The following USP34 variants were observed in gnomAD, a reference collection of about 807,000 sequenced individuals.
USP34 encodes the protein ubiquitin carboxyl-terminal hydrolase 34.
Under a neutral mutation model 460.3 loss-of-function variants are expected in USP34, and 70 were observed. The ratio of observed to expected loss-of-function variants is 0.15; its 90% confidence interval spans 0.13 to 0.19. The LOEUF is 0.19. USP34 is among the 10% of genes least tolerant of loss of function. USP34 has a pLI of 1.00. For synonymous variants in USP34, 1,647 were observed against 1,405.3 expected (o/e 1.17, Z -3.85); for missense variants, 3,985 against 4,236.2 (o/e 0.94, Z 1.65).
chr2:61,344,810 G>A (rs1054751698), intron 15 of USP34, among the ~76,000 whole-genome samples: 3 of 152,130 alleles, frequency 2.0e-5, no homozygotes, highest in Non-Finnish European at 2.9e-5. Flanking sequence ...CCCAATCAGG[G>A]GTGAATTTAG....
At chr2:61,279,041 C>T (rs1036740522) in intron 39 of USP34, among the ~76,000 whole-genome samples, 3 of 151,658 alleles carry the variant, frequency 2.0e-5, no homozygotes, top group African/African-American at 4.8e-5. Context: ...AGGAAAATTA[C>T]TTTACAAGCA....
intron 1 of USP34, among the ~76,000 whole-genome samples, chr2:61,440,784 C>T (rs1006621586): frequency 1.3e-5 from 2 of 151,452 alleles, no homozygotes; most frequent in African/African-American, 4.9e-5. Context: ...TCCCAAAGTG[C>T]TGGGATTACA....
chr2:61,416,223 T>G (rs1329557013), intron 2 of USP34, among the ~76,000 whole-genome samples: 2 of 152,188 alleles, frequency 1.3e-5, no homozygotes, highest in Non-Finnish European at 2.9e-5. Context: ...AGGCAGAGCC[T>G]TAAAGAGTGA....
At position 61,280,350 on chromosome 2, in the gene USP34, T is replaced by A; in HGVS notation, c.5152-2A>T. ...TGGTTCTTCCTCATAATCATCTATC[T>A]ATTAAAAAAATTTTATACTTTGTGA... On this transcript the variant is annotated splice_acceptor_variant, in intron 38 of 79. Coordinates refer to ENST00000398571, the MANE Select transcript of USP34 (RefSeq NM_014709.4). LOFTEE classifies it high-confidence loss of function. 1 of 1,442,390 alleles carries A rather than the reference T, an allele frequency of 6.9e-7. No individual in the cohort carries two copies. Among genetic ancestry groups the A allele is most frequent in the Non-Finnish European group, 9.2e-7 (1 of 1,081,438 alleles). The allele number at this position is 1,442,390 out of a possible 1,614,324, so 89.3% of individuals were successfully genotyped here.
Position 61,417,485 on chromosome 2 carries a change from T to G in USP34, c.131+3261A>C, listed in dbSNP as rs774731848. 6.1e-5 allele frequency: 15 copies of G among 245,134 alleles called. No individual in the cohort carries two copies. The South Asian group carries it at 9.3e-4, about 15-fold the overall frequency. 15.2% of individuals were successfully genotyped at this position (245,134 alleles called of 1,614,324 possible). A position where few individuals can be genotyped will look rare whatever the true frequency, so the allele number is the denominator to read the frequency against. Reference sequence around the variant, plus strand: ...TTGATCACACAGAGACTGACCATAGTTAACTGTACCTGAGAAATCAGACCA... The same window carrying G: ...TTGATCACACAGAGACTGACCATAGGTAACTGTACCTGAGAAATCAGACCA... On this transcript the variant is annotated intron_variant, in intron 2 of 79. Coordinates refer to ENST00000398571, the MANE Select transcript of USP34 (RefSeq NM_014709.4).
At chr2:61,355,760 T>C (rs1277567074) in intron 10 of USP34, among the ~76,000 whole-genome samples, 2 of 152,154 alleles carry the variant, frequency 1.3e-5, no homozygotes, top group Non-Finnish European at 2.9e-5. Flanking sequence ...TGTCCCTCTT[T>C]ATGAGTAATT....
intron 3 of USP34, among the ~76,000 whole-genome samples, chr2:61,399,873 C>CAAAAAAAAAAAA (rs1693657939): frequency 8.6e-5 from 3 of 34,850 alleles, no homozygotes; most frequent in Non-Finnish European, 1.9e-4. Context: ...ACACTGTCTC[C>CAAAAAAAAAAAA]CAAAAAAAAA....
chr2:61,421,475 T>A (rs1694354259), intron 1 of USP34, among the ~76,000 whole-genome samples: 1 of 152,232 alleles, frequency 6.6e-6, no homozygotes, highest in Non-Finnish European at 1.5e-5. Context: ...TCCATCATTT[T>A]AATGGCTTTT....
chr2:61,275,994 A>G (rs1225290095), intron 41 of USP34, among the ~76,000 whole-genome samples: 1 of 152,260 alleles, frequency 6.6e-6, no homozygotes, highest in Non-Finnish European at 1.5e-5. Context: ...GAGCTGACAT[A>G]TTCAAAATAA....
chr2:61,417,385 C>T lies in USP34; in HGVS notation c.131+3361G>A, dbSNP rs557347491. 47 of 513,068 alleles carry T rather than the reference C, an allele frequency of 9.2e-5. No homozygotes were observed. In the East Asian group the frequency reaches 9.8e-4, roughly 11 times the overall value. 31.8% of individuals were successfully genotyped at this position (513,068 alleles called of 1,614,324 possible). A position where few individuals can be genotyped will look rare whatever the true frequency, so the allele number is the denominator to read the frequency against. On this transcript the variant is annotated intron_variant, in intron 2 of 79. Coordinates refer to ENST00000398571, the MANE Select transcript of USP34 (RefSeq NM_014709.4). ...TCAGCTTAATTGGCTGCAGGACCTC[C>T]GTAATCTTACAGCCAAAGTTGTGAC...
Position 61,343,974 on chromosome 2 carries a change from C to A in USP34, c.2341G>T (p.Val781Phe). Residue 781 changes from valine to phenylalanine, a missense_variant, in exon 16 of 80, where the codon GTT becomes TTT. Physicochemically the swap from Val to Phe is conservative, Grantham distance 50. Around this residue, in one of 14 missense-constraint regions of USP34, gnomAD observed 716 missense variants for 626.2 expected, o/e 1.14. Transcript: ENST00000398571. ...ATATTTTTTTCTGATTTTGCACTAA[C>A]CTGGGAGCTACTACAACTGACATCA... ...ADDVSCSSSQ[V>F]SAKSEKNMAD... The A allele has an allele frequency of 6.2e-7, 1 of 1,613,866 alleles. No homozygotes were observed. Among genetic ancestry groups the A allele is most frequent in the Non-Finnish European group, 8.5e-7 (1 of 1,179,912 alleles).
At position 61,437,688 on chromosome 2, in the gene USP34, G is replaced by A. The variant is rs191279670; in HGVS notation, c.44-16855C>T. Among the ~76,000 whole-genome samples, 116 of 152,084 alleles carry A rather than the reference G, an allele frequency of 7.6e-4. 1 individual carries two copies. The highest frequency in any genetic ancestry group is 2.5e-3 in the African/African-American group (103 of 41,502). Reference sequence around the variant, plus strand: ...GTCGGGAGGCTGAGGCAGGAGAATGGCTTGAACACGGGAGGCGGAGCTTGC... The same window carrying A: ...GTCGGGAGGCTGAGGCAGGAGAATGACTTGAACACGGGAGGCGGAGCTTGC... On this transcript the variant is annotated intron_variant, in intron 1 of 79. Transcript: ENST00000398571.
chr2:61,229,482 A>AC lies in USP34; in HGVS notation c.7199+65_7199+66insG, dbSNP rs1281418547. On this transcript the variant is annotated intron_variant, in intron 59 of 79. Transcript: ENST00000398571. ...TAAAAAAAAAAAAAAAAAACAAAAAAAAAAAACAAAAACACCACACACACA... is the reference window on the plus strand; with the variant it reads ...TAAAAAAAAAAAAAAAAAACAAAAAACAAAAAACAAAAACACCACACACACA... 1.0e-5 allele frequency: 8 copies of AC among 799,568 alleles called. No individual in the cohort carries two copies. In the African/African-American group the frequency reaches 1.5e-4, roughly 15 times the overall value. 49.5% of individuals were successfully genotyped at this position (799,568 alleles called of 1,614,324 possible).
At chr2:61,389,452 T>A (rs1324689589) in intron 5 of USP34, among the ~76,000 whole-genome samples, 1 of 152,106 alleles carries the variant, frequency 6.6e-6, no homozygotes, top group East Asian at 1.9e-4. Context: ...TGATTAAAAA[T>A]TTCAATTAAA....
At chr2:61,204,750 A>G in intron 72 of USP34, 149 bp from the exon 73 acceptor site, 1 of 640,190 alleles carries the variant, frequency 1.6e-6, no homozygotes, top group Non-Finnish European at 2.7e-6. Context: ...ATTCTGTCTT[A>G]TGCTCAATCA....
intron 65 of USP34, 78 bp downstream of exon 65, chr2:61,222,541 G>T: frequency 8.4e-7 from 1 of 1,195,890 alleles, no homozygotes; most frequent in Non-Finnish European, 1.2e-6. Flanking sequence ...TTGTTCTCGA[G>T]AACAATTAGG....
chr2:61,234,878 C>G (rs914484118), intron 57 of USP34, among the ~76,000 whole-genome samples: 5 of 152,154 alleles, frequency 3.3e-5, no homozygotes, highest in Non-Finnish European at 7.4e-5. Flanking sequence ...GCAAGTGATC[C>G]GCCCGCCTCA....
At position 61,311,586 on chromosome 2, in the gene USP34, A is replaced by G; in HGVS notation, c.3771T>C (p.Ala1257=). The change falls in exon 27 of 80, where the codon GCT becomes GCC. Residue 1257 remains alanine, a synonymous_variant. Coordinates refer to ENST00000398571, the MANE Select transcript of USP34 (RefSeq NM_014709.4). ...TGCTTTGACCAAACTCCTGAAGCTG[A>G]GCTTGTTGATTTATTTGTTCTTTCT... ...NLQKEQINQQ[A]QLQEFGQSNR... The G allele has an allele frequency of 6.2e-7, 1 of 1,613,158 alleles. No individual in the cohort carries two copies. The highest frequency in any genetic ancestry group is 8.5e-7 in the Non-Finnish European group (1 of 1,179,698).
rs1342444654 is a variant in USP34, at chr2:61,281,164, G to A, written c.5077C>T (p.Arg1693Cys). The A allele has an allele frequency of 6.2e-7, 1 of 1,613,810 alleles. No individual in the cohort carries two copies. The highest frequency in any genetic ancestry group is 2.2e-5 in the East Asian group (1 of 44,880). Residue 1693 changes from arginine to cysteine, a missense_variant, in exon 38 of 80, where the codon CGT becomes TGT. Coordinates refer to ENST00000398571, the MANE Select transcript of USP34 (RefSeq NM_014709.4). ...SGLDGGDSIN[R>C]SFLLLAASTL... The stretch of plus-strand genomic sequence containing the variant: ...GAGGCAGCCAATAGCAGAAAAGAAC[G>A]ATTGATTGAGTCTCCTCCATCCAGC...
Sources: allele counts gnomAD v4.1 joint callset (sites outside exome capture counted in the v4.1 genomes callset), GRCh38; gene constraint gnomAD v4.1.1; regional missense constraint gnomAD v4.1.1; transcripts MANE v1.5; gene names NCBI Gene and HGNC (gene_info 2026-07-23, HGNC 2026-07-21).